Variants in UBE2H observed in about 807,000 individuals in gnomAD.
The protein encoded by UBE2H is ubiquitin conjugating enzyme E2 H, also known as ubiquitin-conjugating enzyme E2 H.
In UBE2H, 3 loss-of-function variants were observed where a neutral mutation model predicts 29.0. The ratio of observed to expected loss-of-function variants is 0.10; its 90% CI spans 0.05 to 0.27. UBE2H has a LOEUF of 0.27. UBE2H is among the 10% of genes least tolerant of loss of function. The pLI, the probability that UBE2H is intolerant of heterozygous loss-of-function variation, is 1.00. For missense variants in UBE2H, 68 were observed against 228.2 expected (o/e 0.30, Z 4.52); for synonymous variants, 69 against 82.9 (o/e 0.83, Z 0.91).
chr7:129,909,899 TAA>T (rs1173996426), intron 1 of UBE2H, among the ~76,000 whole-genome samples: 2 of 151,912 alleles, frequency 1.3e-5, no homozygotes, highest in East Asian at 3.9e-4. Context: ...GCTGATTATA[TAA>T]AGTGGTCTGA....
At chr7:129,851,885 C>A (rs1448468993) in intron 5 of UBE2H, among the ~76,000 whole-genome samples, 1 of 152,190 alleles carries the variant, frequency 6.6e-6, no homozygotes, top group African/African-American at 2.4e-5. Flanking sequence ...AGGTTGGTTA[C>A]GGAGCTAGCT....
At chr7:129,929,317 CAAA>C (rs1255962023) in intron 1 of UBE2H, among the ~76,000 whole-genome samples, 4 of 91,482 alleles carry the variant, frequency 4.4e-5, no homozygotes, top group Non-Finnish European at 6.5e-5. Flanking sequence ...AACTCCATCT[CAAA>C]AAAAAAAAAA....
At chr7:129,884,593 T>A (rs1040815916) in intron 1 of UBE2H, among the ~76,000 whole-genome samples, 2 of 109,472 alleles carry the variant, frequency 1.8e-5, no homozygotes, top group Non-Finnish European at 1.9e-5. Context: ...CGAATTACTA[T>A]TTTTTTTTTT....
intron 3 of UBE2H, among the ~76,000 whole-genome samples, chr7:129,874,725 G>C (rs1806112838): frequency 6.6e-6 from 1 of 151,956 alleles, no homozygotes; most frequent in Non-Finnish European, 1.5e-5. Context: ...CATATGAAGA[G>C]AAAAATGCAA....
chr7:129,850,102 C>A (rs1805582825), intron 5 of UBE2H, among the ~76,000 whole-genome samples: 1 of 152,204 alleles, frequency 6.6e-6, no homozygotes, highest in Admixed American at 6.5e-5. Flanking sequence ...TGCAGTGGCC[C>A]ATGACTGTAA....
chr7:129,868,338 T>C (rs1805954548), intron 3 of UBE2H, among the ~76,000 whole-genome samples: 1 of 151,986 alleles, frequency 6.6e-6, no homozygotes, highest in Admixed American at 6.6e-5. Flanking sequence ...CCCAGCACTT[T>C]GGGAGGCCGA....
At chr7:129,930,983 C>G (rs540220671) in intron 1 of UBE2H, among the ~76,000 whole-genome samples, 120 of 149,080 alleles carry the variant, frequency 8.0e-4, no homozygotes, top group African/African-American at 2.8e-3. Context: ...CTTTGGGAGG[C>G]TGAGGCAGGT....
intron 3 of UBE2H, among the ~76,000 whole-genome samples, chr7:129,867,826 C>G (rs1385557834): frequency 8.2e-6 from 1 of 121,464 alleles, no homozygotes; most frequent in Non-Finnish European, 1.7e-5. Context: ...AGTTAAAAAA[C>G]AAGCACACAC....
At chr7:129,885,533 G>A (rs1241461979) in intron 1 of UBE2H, among the ~76,000 whole-genome samples, 2 of 152,140 alleles carry the variant, frequency 1.3e-5, no homozygotes, top group African/African-American at 2.4e-5. Flanking sequence ...CCATACTTAC[G>A]TGTATTTTAT....
At chr7:129,854,484 T>G (rs1286158710) in intron 5 of UBE2H, among the ~76,000 whole-genome samples, 1 of 152,234 alleles carries the variant, frequency 6.6e-6, no homozygotes, top group Non-Finnish European at 1.5e-5. Context: ...ACTCCTGTAT[T>G]ATGGAACATG....
chr7:129,893,460 A>T (rs1056363364), intron 1 of UBE2H, among the ~76,000 whole-genome samples: 1 of 152,214 alleles, frequency 6.6e-6, no homozygotes, highest in African/African-American at 2.4e-5. Context: ...TCCCCAACAA[A>T]ATATTTTTAA....
chr7:129,874,862 T>C (rs1365415855), intron 3 of UBE2H, among the ~76,000 whole-genome samples: 1 of 152,056 alleles, frequency 6.6e-6, no homozygotes, highest in Non-Finnish European at 1.5e-5. Flanking sequence ...AAAGACAGTA[T>C]CTGAGATGGA....
chr7:129,910,328 CA>C (rs369819323), intron 1 of UBE2H, among the ~76,000 whole-genome samples: 204 of 138,676 alleles, frequency 1.5e-3, no homozygotes, highest in East Asian at 8.0e-3. Flanking sequence ...GACTCTATCT[CA>C]AAAAAAAAAC....
chr7:129,890,664 G>T (rs373960594), intron 1 of UBE2H, among the ~76,000 whole-genome samples: 2 of 152,056 alleles, frequency 1.3e-5, no homozygotes, highest in African/African-American at 4.8e-5. Flanking sequence ...GAGCCACTGC[G>T]CCCAGCCAAC....
intron 5 of UBE2H, among the ~76,000 whole-genome samples, chr7:129,842,721 G>A (rs772155365): frequency 1.3e-5 from 2 of 151,574 alleles, no homozygotes; most frequent in Non-Finnish European, 2.9e-5. Context: ...TGGCCAACAC[G>A]GTGAAATCCC....
chr7:129,861,953 G>T (rs1245345399), intron 3 of UBE2H, among the ~76,000 whole-genome samples: 2 of 152,258 alleles, frequency 1.3e-5, no homozygotes, highest in Admixed American at 6.5e-5. Flanking sequence ...ATTAACTAGT[G>T]CTGAACTATT....
intron 5 of UBE2H, among the ~76,000 whole-genome samples, chr7:129,849,625 C>A (rs1034991459): frequency 3.9e-5 from 6 of 152,120 alleles, no homozygotes; most frequent in African/African-American, 1.4e-4. Context: ...AACTCAACTT[C>A]AGTGACAAAA....
chr7:129,892,020 T>C (rs368902943), intron 1 of UBE2H, among the ~76,000 whole-genome samples: 2 of 149,208 alleles, frequency 1.3e-5, no homozygotes, highest in East Asian at 4.0e-4. Flanking sequence ...GGGTGTGATC[T>C]GGGCTCACTG....
intron 3 of UBE2H, among the ~76,000 whole-genome samples, chr7:129,860,557 G>C (rs542391590): frequency 2.6e-5 from 4 of 152,084 alleles, no homozygotes; most frequent in African/African-American, 4.8e-5. Context: ...AGTATTTGTT[G>C]CAATATTATT....
Sources: allele counts gnomAD v4.1 joint callset (sites outside exome capture counted in the v4.1 genomes callset), GRCh38; gene constraint gnomAD v4.1.1; transcripts MANE v1.5; gene names NCBI Gene and HGNC (gene_info 2026-07-23, HGNC 2026-07-21).